Variants in SMYD3 observed in about 807,000 individuals in gnomAD.
The protein encoded by SMYD3 is histone-lysine N-methyltransferase SMYD3.
Under a neutral mutation model 57.7 loss-of-function variants are expected in SMYD3, and 36 were observed. That is an observed-to-expected ratio of 0.62 (90% CI 0.48 to 0.82). SMYD3 has a LOEUF of 0.82. Among genes scored for constraint, SMYD3 ranks in the 40% least tolerant of loss-of-function variants. The probability of loss-of-function intolerance (pLI) is 0.00; values close to 1 mark genes in which losing one functional copy is unlikely to be tolerated. For missense variants in SMYD3, 515 were observed against 538.8 expected, an observed-to-expected ratio of 0.96 and a Z score of 0.44; for synonymous variants, 211 against 195.0, an observed-to-expected ratio of 1.08 and a Z score of -0.68.
intron 10 of SMYD3, among the ~76,000 whole-genome samples, chr1:245,817,200 G>C (rs1253550586): frequency 6.8e-6 from 1 of 147,512 alleles, no homozygotes; most frequent in Admixed American, 6.8e-5. Context: ...CTGGAGATCT[G>C]AGAACGGGCA....
At chr1:246,084,195 C>CTTTTTT (rs772938424) in intron 5 of SMYD3, among the ~76,000 whole-genome samples, 72 of 135,464 alleles carry the variant, frequency 5.3e-4, no homozygotes, top group African/African-American at 1.6e-3. Context: ...CTGACAATTC[C>CTTTTTT]TTTTTTTTTT....
At position 246,304,250 on chromosome 1, in the gene SMYD3, T is replaced by A. The variant is rs542057389; in HGVS notation, c.531+22951A>T. 2.6e-5 allele frequency among the ~76,000 whole-genome samples: 4 copies of A among 152,298 alleles called. No individual in the cohort carries two copies. The South Asian group carries it at 8.3e-4, about 32-fold the overall frequency. On this transcript the variant is annotated intron_variant, in intron 5 of 11. Coordinates refer to ENST00000490107, the MANE Select transcript of SMYD3 (RefSeq NM_001167740.2). ...AAATACATTTGCATGAACTCCTATATAGCACACGTACAAAACAAATAGTAT... is the reference window on the plus strand; with the variant it reads ...AAATACATTTGCATGAACTCCTATAAAGCACACGTACAAAACAAATAGTAT...
At chr1:245,895,168 T>C (rs2053680531) in intron 8 of SMYD3, among the ~76,000 whole-genome samples, 2 of 96,762 alleles carry the variant, frequency 2.1e-5, no homozygotes, top group African/African-American at 8.4e-5. Context: ...ACTCCCTTCC[T>C]TGATTAAACA....
rs1004567064 is a variant in SMYD3, at chr1:246,313,362, T to A, written c.531+13839A>T. On this transcript the variant is annotated intron_variant, in intron 5 of 11. Transcript: ENST00000490107. Reference sequence around the variant, plus strand: ...AAGACCCACAGCCACTGAATGATTGTGAAGGAGGAAAAACAGACCCTAGGA... The same window carrying A: ...AAGACCCACAGCCACTGAATGATTGAGAAGGAGGAAAAACAGACCCTAGGA... Among the ~76,000 whole-genome samples, 8 of 152,122 alleles carry A rather than the reference T, an allele frequency of 5.3e-5. No homozygotes were observed. The East Asian group carries it at 1.2e-3, about 22-fold the overall frequency.
At chr1:245,966,682 A>G (rs1466846828) in intron 5 of SMYD3, among the ~76,000 whole-genome samples, 1 of 152,120 alleles carries the variant, frequency 6.6e-6, no homozygotes, top group Non-Finnish European at 1.5e-5. Flanking sequence ...GGCCCTTGGG[A>G]AGACAGGCTT....
At chr1:246,253,672 C>T (rs2063831651) in intron 5 of SMYD3, among the ~76,000 whole-genome samples, 1 of 152,144 alleles carries the variant, frequency 6.6e-6, no homozygotes, top group South Asian at 2.1e-4. Flanking sequence ...AAATGTTTTA[C>T]TTCCTTGGTT....
chr1:246,392,870 A>G (rs1396638499), intron 1 of SMYD3, among the ~76,000 whole-genome samples: 1 of 152,176 alleles, frequency 6.6e-6, no homozygotes, highest in Non-Finnish European at 1.5e-5. Context: ...CAAATAGTCA[A>G]TAAGCATATA....
At chr1:246,102,802 T>G (rs936494614) in intron 5 of SMYD3, among the ~76,000 whole-genome samples, 1 of 152,014 alleles carries the variant, frequency 6.6e-6, no homozygotes, top group African/African-American at 2.4e-5. Context: ...TGAGGTGGTA[T>G]TAAACCCAAG....
intron 5 of SMYD3, among the ~76,000 whole-genome samples, chr1:246,103,908 T>C (rs1264646505): frequency 2.6e-5 from 4 of 152,206 alleles, no homozygotes; most frequent in African/African-American, 9.7e-5. Context: ...TTTATCCCTC[T>C]GTCACCCTGA....
intron 5 of SMYD3, among the ~76,000 whole-genome samples, chr1:245,981,806 G>A (rs1192399156): frequency 6.6e-6 from 1 of 152,218 alleles, no homozygotes; most frequent in Non-Finnish European, 1.5e-5. Flanking sequence ...TTTAACTTGG[G>A]AAACGATTAC....
chr1:246,501,321 G>C (rs987725923), intron 1 of SMYD3, among the ~76,000 whole-genome samples: 1 of 152,148 alleles, frequency 6.6e-6, no homozygotes, highest in South Asian at 2.1e-4. Flanking sequence ...TGCCTTTGCT[G>C]AAACTATTCA....
chr1:246,043,867 C>T (rs2059918542), intron 5 of SMYD3, among the ~76,000 whole-genome samples: 1 of 152,132 alleles, frequency 6.6e-6, no homozygotes, highest in African/African-American at 2.4e-5. Context: ...AGGAGAAAAC[C>T]TGGCTACAGA....
intron 10 of SMYD3, 62 bp downstream of exon 10, chr1:245,858,434 G>C (rs762415154): frequency 5.9e-5 from 89 of 1,497,142 alleles, no homozygotes; most frequent in Non-Finnish European, 7.6e-5. Flanking sequence ...TTCACAACAT[G>C]GATCCTTTGC....
intron 5 of SMYD3, among the ~76,000 whole-genome samples, chr1:246,043,752 G>GTAAT (rs2059917019): frequency 6.6e-6 from 1 of 152,230 alleles, no homozygotes; most frequent in African/African-American, 2.4e-5. Flanking sequence ...ACAACAGAAA[G>GTAAT]TAATTGTCTG....
chr1:246,322,884 A>G (rs900957720), intron 5 of SMYD3, among the ~76,000 whole-genome samples: 2 of 152,196 alleles, frequency 1.3e-5, no homozygotes, highest in Non-Finnish European at 2.9e-5. Context: ...TTAAACATCA[A>G]GCTCTTATTC....
At chr1:246,218,776 C>T (rs182641753) in intron 5 of SMYD3, among the ~76,000 whole-genome samples, 26 of 152,258 alleles carry the variant, frequency 1.7e-4, no homozygotes, top group African/African-American at 3.6e-4. Context: ...ATAATACTCA[C>T]GGGTATCTTA....
chr1:246,216,044 C>T (rs1457888249), intron 5 of SMYD3, among the ~76,000 whole-genome samples: 2 of 152,084 alleles, frequency 1.3e-5, no homozygotes, highest in Non-Finnish European at 1.5e-5. Flanking sequence ...AATCCCAGCA[C>T]TTTGGGAGGC....
chr1:246,361,674 T>C (rs537317105), intron 1 of SMYD3, among the ~76,000 whole-genome samples: 1 of 152,318 alleles, frequency 6.6e-6, no homozygotes, highest in East Asian at 1.9e-4. Context: ...AGACCATTAA[T>C]CTAAGTAAAG....
chr1:246,266,779 GAC>G (rs2064116863), intron 5 of SMYD3, among the ~76,000 whole-genome samples: 2 of 149,886 alleles, frequency 1.3e-5, no homozygotes, highest in East Asian at 2.0e-4. Flanking sequence ...CCGAAAGAAA[GAC>G]AGAAAGAAAG....
Sources: gnomAD v4.1 joint callset for allele counts (sites outside exome capture counted in the v4.1 genomes callset) on GRCh38, gnomAD v4.1.1 for gene constraint, MANE v1.5 for transcripts, NCBI Gene and HGNC (gene_info 2026-07-23, HGNC 2026-07-21) for gene names.